Variants in TYW1 observed in about 807,000 individuals in gnomAD.
TYW1 encodes the protein S-adenosyl-L-methionine-dependent tRNA 4-demethylwyosine synthase TYW1.
TYW1 carries 46 observed loss-of-function variants against 96.2 expected under a neutral mutation model. The observed-to-expected ratio is 0.48, with a 90% CI of 0.38 to 0.61. The LOEUF (loss-of-function observed/expected upper bound fraction) is 0.61. Among genes scored for constraint, TYW1 ranks in the 20% least tolerant of loss-of-function variants. TYW1 has a pLI of 0.00. For missense variants in TYW1, 684 were observed against 909.6 expected (o/e 0.75, Z 3.19); for synonymous variants, 274 against 323.0 (o/e 0.85, Z 1.63).
chr7:67,212,671 G>GTT (rs58974881), intron 15 of TYW1, among the ~76,000 whole-genome samples: 1 of 150,538 alleles, frequency 6.6e-6, no homozygotes, highest in South Asian at 2.1e-4. Flanking sequence ...CGGTTTTTTT[G>GTT]TTTTTTTTTG....
At chr7:67,236,465 G>A (rs1801894847) in intron 15 of TYW1, among the ~76,000 whole-genome samples, 1 of 152,222 alleles carries the variant, frequency 6.6e-6, no homozygotes, top group African/African-American at 2.4e-5. Flanking sequence ...GGTGGTGTGA[G>A]CGGCCAGGGA....
intron 13 of TYW1, among the ~76,000 whole-genome samples, chr7:67,139,534 A>G (rs892372584): frequency 2.6e-5 from 4 of 152,140 alleles, no homozygotes; most frequent in African/African-American, 9.7e-5. Context: ...ACCCCCGTGG[A>G]TACCAAAATC....
intron 13 of TYW1, among the ~76,000 whole-genome samples, chr7:67,129,585 T>C (rs1311691293): frequency 1.3e-5 from 2 of 152,232 alleles, no homozygotes; most frequent in Non-Finnish European, 2.9e-5. Flanking sequence ...ACTTCTCTGA[T>C]GGATCTAAGA....
At chr7:67,007,226 A>G (rs954528653) in intron 3 of TYW1, among the ~76,000 whole-genome samples, 3 of 152,026 alleles carry the variant, frequency 2.0e-5, no homozygotes, top group African/African-American at 4.8e-5. Flanking sequence ...GGTGTAACCA[A>G]TTGGAAGCCT....
rs1799379355 is a variant in TYW1, at chr7:67,167,537, T to C, written c.1699-15589T>C. On this transcript the variant is annotated intron_variant, in intron 13 of 15. Coordinates refer to ENST00000359626, the MANE Select transcript of TYW1 (RefSeq NM_018264.4). ...GTTTCTTCTGTAATTTCCTAGACATTGTGTTGTTTTTCCTTCCTTTCGCAT... is the reference window on the plus strand; with the variant it reads ...GTTTCTTCTGTAATTTCCTAGACATCGTGTTGTTTTTCCTTCCTTTCGCAT... 1.3e-5 allele frequency among the ~76,000 whole-genome samples: 2 copies of C among 151,002 alleles called. 1 individual carries two copies. The highest frequency in any genetic ancestry group is 2.9e-5 in the Non-Finnish European group (2 of 67,806).
At chr7:67,071,889 C>T (rs1223272200) in intron 10 of TYW1, among the ~76,000 whole-genome samples, 8 of 151,816 alleles carry the variant, frequency 5.3e-5, no homozygotes, top group Non-Finnish European at 8.8e-5. Context: ...TCCAAAGTGC[C>T]GGGATTACAG....
chr7:67,188,734 G>A (rs1800106860), intron 14 of TYW1, among the ~76,000 whole-genome samples: 1 of 152,080 alleles, frequency 6.6e-6, no homozygotes, highest in Non-Finnish European at 1.5e-5. Context: ...AATGGCCTTG[G>A]AATTCAAATT....
intron 11 of TYW1, among the ~76,000 whole-genome samples, chr7:67,088,157 G>A (rs1299075650): frequency 1.3e-5 from 2 of 152,062 alleles, no homozygotes; most frequent in Admixed American, 6.5e-5. Context: ...GAGCCACCGT[G>A]TCTGGCTCTC....
At chr7:67,111,123 C>G (rs949344841) in intron 12 of TYW1, among the ~76,000 whole-genome samples, 2 of 152,130 alleles carry the variant, frequency 1.3e-5, no homozygotes, top group African/African-American at 2.4e-5. Context: ...TACAAGGAAG[C>G]CTAGATGTTG....
At position 66,996,949 on chromosome 7, in the gene TYW1, G is replaced by C. The variant is rs1233650995; in HGVS notation, c.-30G>C. ...GAATCATCGGGCTATCCAGGTCCGAGATCCTAGTCTCCTGTCGGCTCTGAG... is the reference window on the plus strand; with the variant it reads ...GAATCATCGGGCTATCCAGGTCCGACATCCTAGTCTCCTGTCGGCTCTGAG... On this transcript the variant is annotated 5_prime_UTR_variant, in exon 1 of 16. Coordinates refer to ENST00000359626, the MANE Select transcript of TYW1 (RefSeq NM_018264.4). 15 of 1,614,104 alleles carry C rather than the reference G, an allele frequency of 9.3e-6. No homozygotes were observed. The highest frequency in any genetic ancestry group is 1.2e-5 in the Non-Finnish European group (14 of 1,179,982).
chr7:67,115,439 G>A (rs1797565111), intron 12 of TYW1, among the ~76,000 whole-genome samples: 1 of 152,132 alleles, frequency 6.6e-6, no homozygotes, highest in South Asian at 2.1e-4. Flanking sequence ...TAGTATATCG[G>A]TATTGCAGAG....
intron 15 of TYW1, among the ~76,000 whole-genome samples, chr7:67,237,779 CT>C (rs1391648293): frequency 6.6e-6 from 1 of 152,108 alleles, no homozygotes; most frequent in Non-Finnish European, 1.5e-5. Context: ...ATTTTTCAGG[CT>C]TTCCACTAAT....
At chr7:67,114,125 CCTT>C (rs1797516614) in intron 12 of TYW1, among the ~76,000 whole-genome samples, 1 of 152,178 alleles carries the variant, frequency 6.6e-6, no homozygotes. Context: ...ATAATTCTCT[CCTT>C]CTCTTTCACC....
intron 11 of TYW1, among the ~76,000 whole-genome samples, chr7:67,085,660 T>A (rs985079536): frequency 6.6e-6 from 1 of 152,182 alleles, no homozygotes; most frequent in Non-Finnish European, 1.5e-5. Flanking sequence ...AGATCAGTAG[T>A]AATTTATAAA....
At chr7:67,080,150 C>A (rs1182568901) in intron 10 of TYW1, among the ~76,000 whole-genome samples, 1 of 152,244 alleles carries the variant, frequency 6.6e-6, no homozygotes, top group South Asian at 2.1e-4. Context: ...GTGATCTGTC[C>A]AATTCTGAGA....
chr7:67,209,936 CTG>C (rs1800944429), intron 15 of TYW1, among the ~76,000 whole-genome samples: 1 of 152,098 alleles, frequency 6.6e-6, no homozygotes, highest in African/African-American at 2.4e-5. Flanking sequence ...AAAATTGAGA[CTG>C]TATTATGGAG....
At chr7:67,072,934 GTTTTTTTTTTTTTTTT>G (rs529812538) in intron 10 of TYW1, among the ~76,000 whole-genome samples, 12 of 71,222 alleles carry the variant, frequency 1.7e-4, no homozygotes, top group African/African-American at 5.2e-4. Flanking sequence ...TGCCTATCCA[GTTTTTTTTTTTTTTTT>G]TTTTTTTTTT....
In TYW1 at chr7:67,130,102, C is replaced by T. The variant is rs772257785; in HGVS notation, c.1698+12484C>T. ...TCTTTCTATAGAAGTAATTATAGGC[C>T]GTGCGTGGTGGCTCATGCCTCTAAT... is the stretch of plus-strand genomic sequence containing the variant. On this transcript the variant is annotated intron_variant, in intron 13 of 15. Coordinates refer to ENST00000359626, the MANE Select transcript of TYW1 (RefSeq NM_018264.4). 4.2e-4 allele frequency among the ~76,000 whole-genome samples: 64 copies of T among 151,878 alleles called. 1 individual carries two copies. The highest frequency in any genetic ancestry group is 6.8e-3 in the Middle Eastern group (2 of 294).
At chr7:67,092,359 C>T (rs942299053) in intron 11 of TYW1, among the ~76,000 whole-genome samples, 4 of 151,822 alleles carry the variant, frequency 2.6e-5, no homozygotes, top group African/African-American at 2.4e-5. Context: ...ACGGAGAACC[C>T]GATGTGATCT....
Sources: gnomAD v4.1 joint callset for allele counts (sites outside exome capture counted in the v4.1 genomes callset) on GRCh38, gnomAD v4.1.1 for gene constraint, MANE v1.5 for transcripts, NCBI Gene and HGNC (gene_info 2026-07-23, HGNC 2026-07-21) for gene names.